Variants in LTBP1 observed in about 807,000 individuals in gnomAD.
The protein encoded by LTBP1 is latent transforming growth factor beta binding protein 1, also known as latent-transforming growth factor beta-binding protein 1.
A neutral mutation model predicts 207.6 loss-of-function variants in LTBP1; 129 were observed. The observed-to-expected ratio is 0.62, with a 90% CI of 0.54 to 0.72. The LOEUF (loss-of-function observed/expected upper bound fraction) is 0.72, where lower values mean the gene tolerates loss of function less well. Ranked by LOEUF, LTBP1 falls within the 30% of genes least tolerant of loss-of-function variation. The pLI, the probability that LTBP1 is intolerant of heterozygous loss-of-function variation, is 0.00. For synonymous variants in LTBP1, 963 were observed against 833.7 expected (o/e 1.16, Z -2.67); for missense variants, 2,281 against 2,217.2 (o/e 1.03, Z -0.58).
rs1263060907 is a variant in LTBP1, at chr2:33,001,278, C to T, written c.566-19631C>T. On this transcript the variant is annotated intron_variant, in intron 2 of 33. Transcript: ENST00000404816. ...TCAAGACAGTGAGTCTCAAATATGG[C>T]TGTGGCTTTCAAATATTTTTCTGCA... 1.5e-5 allele frequency among the ~76,000 whole-genome samples: 2 copies of T among 135,298 alleles called. 1 individual carries two copies. 88.8% of individuals were successfully genotyped at this position (135,298 alleles called of 152,430 possible). A position where few individuals can be genotyped will look rare whatever the true frequency, so the allele number is the denominator to read the frequency against.
intron 2 of LTBP1, among the ~76,000 whole-genome samples, chr2:33,005,340 G>T (rs1686677130): frequency 6.6e-6 from 1 of 152,166 alleles, no homozygotes; most frequent in Non-Finnish European, 1.5e-5. Flanking sequence ...CTGGCAAGGT[G>T]GCACTGGCTG....
intron 3 of LTBP1, among the ~76,000 whole-genome samples, chr2:33,061,854 A>T (rs219080): frequency 0.41 from 62,862 of 151,966 alleles, 14,349 homozygotes; most frequent in East Asian, 0.63. Context: ...TAAGGTAGGT[A>T]TGTGGTTAGC....
intron 31 of LTBP1, among the ~76,000 whole-genome samples, chr2:33,376,737 G>T (rs1179747743): frequency 6.6e-6 from 1 of 152,126 alleles, no homozygotes; most frequent in African/African-American, 2.4e-5. Context: ...CTCCTAAGGG[G>T]ATATCCTCAC....
At chr2:32,968,769 G>A (rs1680370879) in intron 2 of LTBP1, among the ~76,000 whole-genome samples, 1 of 149,832 alleles carries the variant, frequency 6.7e-6, no homozygotes, top group African/African-American at 2.5e-5. Flanking sequence ...TGTTGCCCAG[G>A]CTGGTGTGCA....
chr2:33,379,510 C>T (rs962111965), intron 31 of LTBP1, among the ~76,000 whole-genome samples: 2 of 152,152 alleles, frequency 1.3e-5, no homozygotes, highest in African/African-American at 4.8e-5. Flanking sequence ...GTGCCCGGCC[C>T]TGCCATTACT....
At chr2:33,170,243 T>C (rs1270414115) in intron 5 of LTBP1, among the ~76,000 whole-genome samples, 1 of 152,136 alleles carries the variant, frequency 6.6e-6, no homozygotes, top group Non-Finnish European at 1.5e-5. Flanking sequence ...GGAGTTCCCT[T>C]TCCTAGTCAA....
chr2:33,131,633 TGGGAGGACCCGCTTA>T (rs2081800460), intron 4 of LTBP1, among the ~76,000 whole-genome samples: 1 of 152,254 alleles, frequency 6.6e-6, no homozygotes, highest in South Asian at 2.1e-4. Context: ...TTCATGGAGA[TGGGAGGACCCGCTTA>T]GAATACAAGT....
intron 13 of LTBP1, among the ~76,000 whole-genome samples, chr2:33,260,866 A>C (rs2092991039): frequency 6.6e-6 from 1 of 152,188 alleles, no homozygotes; most frequent in Admixed American, 6.5e-5. Flanking sequence ...TTTATGATTG[A>C]ATTTAATAAC....
intron 4 of LTBP1, among the ~76,000 whole-genome samples, chr2:33,116,965 A>G (rs1205423120): frequency 1.3e-5 from 2 of 152,206 alleles, no homozygotes; most frequent in African/African-American, 4.8e-5. Flanking sequence ...CACAGGAGAC[A>G]TCTTAGCCCT....
intron 20 of LTBP1, among the ~76,000 whole-genome samples, chr2:33,295,037 A>G (rs1356327010): frequency 6.6e-6 from 1 of 151,682 alleles, no homozygotes; most frequent in East Asian, 1.9e-4. Flanking sequence ...CATTTCATAT[A>G]TATATTTATT....
intron 10 of LTBP1, among the ~76,000 whole-genome samples, chr2:33,245,667 C>T (rs1308022983): frequency 6.6e-6 from 1 of 152,214 alleles, no homozygotes; most frequent in Non-Finnish European, 1.5e-5. Flanking sequence ...CCAAAAATCA[C>T]ATTGTTGATG....
intron 5 of LTBP1, among the ~76,000 whole-genome samples, chr2:33,184,227 A>G (rs2086950683): frequency 6.6e-6 from 1 of 152,168 alleles, no homozygotes; most frequent in Non-Finnish European, 1.5e-5. Context: ...TCTTCCTGGA[A>G]CACTCTTGCA....
Position 33,000,534 on chromosome 2 carries a change from T to A in LTBP1, c.566-20375T>A, listed in dbSNP as rs148935426. ...TAAACTGCATGCTGTTTGCAAGTGG[T>A]CGCAGGTTTCCTGCCCAGCACACTG... On this transcript the variant is annotated intron_variant, in intron 2 of 33. Coordinates refer to ENST00000404816, the MANE Select transcript of LTBP1 (RefSeq NM_206943.4). Among the ~76,000 whole-genome samples, 165 of 135,212 alleles carry A rather than the reference T, an allele frequency of 1.2e-3. 22 individuals carry two copies. Among genetic ancestry groups the A allele is most frequent in the African/African-American group, 4.0e-3 (156 of 38,860 alleles). 88.7% of individuals were successfully genotyped at this position (135,212 alleles called of 152,430 possible).
intron 19 of LTBP1, among the ~76,000 whole-genome samples, chr2:33,282,831 A>G (rs776497963): frequency 5.3e-5 from 8 of 152,078 alleles, no homozygotes; most frequent in Non-Finnish European, 1.2e-4. Flanking sequence ...TTGGGAGGCC[A>G]AGACGGGTGG....
chr2:33,364,001 A>T (rs1400361770), intron 29 of LTBP1, among the ~76,000 whole-genome samples: 1 of 152,076 alleles, frequency 6.6e-6, no homozygotes, highest in Non-Finnish European at 1.5e-5. Flanking sequence ...TCCTTATTTA[A>T]TGTCAGCAGC....
intron 2 of LTBP1, among the ~76,000 whole-genome samples, chr2:32,986,628 G>A (rs1683621625): frequency 6.6e-6 from 1 of 152,106 alleles, no homozygotes; most frequent in African/African-American, 2.4e-5. Flanking sequence ...GTTAAATCAA[G>A]CACAGGGCCC....
At chr2:33,340,456 A>C (rs957982831) in intron 24 of LTBP1, among the ~76,000 whole-genome samples, 1 of 152,144 alleles carries the variant, frequency 6.6e-6, no homozygotes, top group African/African-American at 2.4e-5. Flanking sequence ...GCCAAAGGGC[A>C]AGGACAAGCT....
intron 12 of LTBP1, among the ~76,000 whole-genome samples, chr2:33,258,337 A>C (rs2092917387): frequency 6.6e-6 from 1 of 152,196 alleles, no homozygotes; most frequent in South Asian, 2.1e-4. Context: ...GGCTTTTCAC[A>C]GTTGATTCTG....
chr2:33,069,191 C>G (rs2077659992), intron 3 of LTBP1, among the ~76,000 whole-genome samples: 1 of 152,098 alleles, frequency 6.6e-6, no homozygotes, highest in African/African-American at 2.4e-5. Flanking sequence ...ATCCCTGGTA[C>G]CCTGAGATGA....
Sources: gnomAD v4.1 joint callset for allele counts (sites outside exome capture counted in the v4.1 genomes callset) on GRCh38, gnomAD v4.1.1 for gene constraint, MANE v1.5 for transcripts, NCBI Gene and HGNC (gene_info 2026-07-23, HGNC 2026-07-21) for gene names.